The following EPHA6 variants were observed in gnomAD, a reference collection of about 807,000 sequenced individuals.
The protein encoded by EPHA6 is EPH receptor A6.
A neutral mutation model predicts 112.0 loss-of-function variants in EPHA6; 50 were observed. The observed-to-expected ratio is 0.45, with a 90% CI of 0.36 to 0.56. EPHA6 has a LOEUF of 0.56. EPHA6 is among the 20% of genes least tolerant of loss of function. The probability of loss-of-function intolerance (pLI) is 0.00; values close to 1 mark genes in which losing one functional copy is unlikely to be tolerated. For missense variants in EPHA6, 1,280 were observed against 1,417.4 expected (o/e 0.90, Z 1.56); for synonymous variants, 529 against 490.7 (o/e 1.08, Z -1.03).
intron 5 of EPHA6, among the ~76,000 whole-genome samples, chr3:97,367,211 C>T (rs751635908): frequency 3.9e-5 from 6 of 152,144 alleles, no homozygotes; most frequent in Non-Finnish European, 7.4e-5. Flanking sequence ...TACAGTAATA[C>T]AGTATTATAT....
intron 5 of EPHA6, among the ~76,000 whole-genome samples, chr3:97,248,677 A>G (rs1474800961): frequency 6.6e-6 from 1 of 152,116 alleles, no homozygotes; most frequent in Non-Finnish European, 1.5e-5. Flanking sequence ...CCCTTAAGTG[A>G]CCATTCTGTA....
chr3:97,633,449 T>C (rs927987013), intron 13 of EPHA6, among the ~76,000 whole-genome samples: 1 of 152,070 alleles, frequency 6.6e-6, no homozygotes, highest in Non-Finnish European at 1.5e-5. Flanking sequence ...TAATCTTCAG[T>C]AAGAAGCCCC....
chr3:97,735,857 A>G, intron 15 of EPHA6, 68 bp from the exon 16 acceptor site: 1 of 1,256,650 alleles, frequency 8.0e-7, no homozygotes, highest in Non-Finnish European at 1.1e-6. Context: ...TGCTTGTAAA[A>G]AAAGAAATTA....
intron 11 of EPHA6, among the ~76,000 whole-genome samples, chr3:97,539,948 C>A (rs935157244): frequency 6.6e-6 from 1 of 152,096 alleles, no homozygotes; most frequent in Non-Finnish European, 1.5e-5. Flanking sequence ...GATTCAGGAA[C>A]CTGGAGATCA....
At chr3:96,941,630 A>G (rs2040955278) in intron 2 of EPHA6, among the ~76,000 whole-genome samples, 1 of 152,060 alleles carries the variant, frequency 6.6e-6, no homozygotes, top group African/African-American at 2.4e-5. Flanking sequence ...GCTTTGTTCC[A>G]TTGCTGGTGA....
At chr3:97,468,299 C>G (rs2091121269) in intron 7 of EPHA6, among the ~76,000 whole-genome samples, 2 of 151,324 alleles carry the variant, frequency 1.3e-5, no homozygotes, top group Admixed American at 1.3e-4. Flanking sequence ...CTTAGAGATA[C>G]TTTTCCTTTG....
At chr3:97,466,769 C>T (rs973678304) in intron 7 of EPHA6, among the ~76,000 whole-genome samples, 1 of 151,874 alleles carries the variant, frequency 6.6e-6, no homozygotes, top group African/African-American at 2.4e-5. Context: ...TGACCTCTTC[C>T]TTGCCTATCT....
At chr3:97,055,276 C>G (rs567154950) in intron 3 of EPHA6, among the ~76,000 whole-genome samples, 1 of 152,182 alleles carries the variant, frequency 6.6e-6, no homozygotes, top group East Asian at 1.9e-4. Flanking sequence ...ACATTAAAGT[C>G]TGAGAACACA....
At chr3:97,258,083 C>T (rs2079375829) in intron 5 of EPHA6, among the ~76,000 whole-genome samples, 2 of 152,018 alleles carry the variant, frequency 1.3e-5, no homozygotes, top group Non-Finnish European at 2.9e-5. Context: ...TACCCTATCA[C>T]AGTGCATAAC....
intron 3 of EPHA6, among the ~76,000 whole-genome samples, chr3:97,149,270 C>T (rs1559758259): frequency 6.6e-6 from 1 of 152,082 alleles, no homozygotes; most frequent in Non-Finnish European, 1.5e-5. Flanking sequence ...CAATCGGAAA[C>T]TCTGAGGCTA....
At chr3:97,137,398 T>C (rs1300966671) in intron 3 of EPHA6, among the ~76,000 whole-genome samples, 1 of 152,156 alleles carries the variant, frequency 6.6e-6, no homozygotes, top group Non-Finnish European at 1.5e-5. Context: ...GATTCAAGTC[T>C]AGATTTGAGC....
At chr3:97,559,934 A>G (rs1451252483) in intron 11 of EPHA6, among the ~76,000 whole-genome samples, 2 of 151,986 alleles carry the variant, frequency 1.3e-5, no homozygotes, top group East Asian at 3.9e-4. Context: ...ATTTATTCAG[A>G]AAATGTAAGA....
intron 13 of EPHA6, among the ~76,000 whole-genome samples, chr3:97,630,662 A>G (rs1186343603): frequency 2.6e-5 from 4 of 152,062 alleles, no homozygotes; most frequent in Non-Finnish European, 5.9e-5. Flanking sequence ...GGGCAGACTT[A>G]TAGAAGCCTC....
rs1661179152 is a variant in EPHA6 at position 97,751,248 on chromosome 3, A to G, written c.*2547A>G. ...AGTGATTACAAGATTAAAGTTGCCT[A>G]TTAAGAATTCTTTCTTTTAAAATGT... On this transcript the variant is annotated 3_prime_UTR_variant, in exon 18 of 18. Transcript: ENST00000389672. Among the ~76,000 whole-genome samples, 1 of 152,146 alleles carries G rather than the reference A, an allele frequency of 6.6e-6. No individual in the cohort carries two copies. Among genetic ancestry groups the G allele is most frequent in the Non-Finnish European group, 1.5e-5 (1 of 68,000 alleles).
At chr3:97,366,080 T>G (rs2084709674) in intron 5 of EPHA6, among the ~76,000 whole-genome samples, 1 of 152,180 alleles carries the variant, frequency 6.6e-6, no homozygotes, top group Admixed American at 6.5e-5. Flanking sequence ...TATATCAGCC[T>G]GAGAAAATTC....
chr3:97,495,619 A>G (rs1425327280), intron 10 of EPHA6, among the ~76,000 whole-genome samples: 1 of 152,060 alleles, frequency 6.6e-6, no homozygotes. Flanking sequence ...CATCTCAATT[A>G]CATCAGCTGG....
chr3:97,559,485 A>G (rs114567771), intron 11 of EPHA6: 3,547 of 323,050 alleles, frequency 0.011, 30 homozygotes, highest in Middle Eastern at 0.015. Flanking sequence ...CTGAATCAGC[A>G]GACAGAATGG....
intron 10 of EPHA6, among the ~76,000 whole-genome samples, chr3:97,531,781 A>G (rs2092697850): frequency 6.6e-6 from 1 of 152,084 alleles, no homozygotes; most frequent in African/African-American, 2.4e-5. Flanking sequence ...GCTGAAACAT[A>G]TCTCATCTTC....
At chr3:97,371,319 G>C (rs1232580221) in intron 5 of EPHA6, among the ~76,000 whole-genome samples, 3 of 152,112 alleles carry the variant, frequency 2.0e-5, no homozygotes, top group Non-Finnish European at 2.9e-5. Flanking sequence ...AGAGGGACTG[G>C]CTGAAGCCAT....
Sources: allele counts gnomAD v4.1 joint callset (sites outside exome capture counted in the v4.1 genomes callset), GRCh38; gene constraint gnomAD v4.1.1; transcripts MANE v1.5; gene names NCBI Gene and HGNC (gene_info 2026-07-23, HGNC 2026-07-21).